The following DNMBP variants were observed in gnomAD, a reference collection of about 807,000 sequenced individuals.
DNMBP encodes the protein dynamin-binding protein.
Under a neutral mutation model 150.0 loss-of-function variants are expected in DNMBP, and 87 were observed. That is an observed-to-expected ratio of 0.58 (90% CI 0.49 to 0.69). DNMBP has a LOEUF of 0.69. DNMBP is among the 30% of genes least tolerant of loss of function. DNMBP has a pLI of 0.00. For missense variants in DNMBP, 1,774 were observed against 1,949.0 expected (o/e 0.91, Z 1.69); for synonymous variants, 711 against 750.4 (o/e 0.95, Z 0.86).
intron 4 of DNMBP, among the ~76,000 whole-genome samples, chr10:99,917,968 CA>C (rs749252887): frequency 0.11 from 5,930 of 52,200 alleles, 129 homozygotes; most frequent in South Asian, 0.21. Context: ...GACTCTGTCT[CA>C]AAAAAAAAAA....
intron 4 of DNMBP, among the ~76,000 whole-genome samples, chr10:99,931,986 G>T (rs907506511): frequency 1.3e-5 from 2 of 152,202 alleles, no homozygotes; most frequent in Non-Finnish European, 2.9e-5. Flanking sequence ...GATATAATAC[G>T]TGGAAAATAA....
At chr10:100,007,848 A>G (rs1321243667) in intron 1 of DNMBP, among the ~76,000 whole-genome samples, 1 of 152,262 alleles carries the variant, frequency 6.6e-6, no homozygotes, top group Non-Finnish European at 1.5e-5. Flanking sequence ...AAGTTAACCA[A>G]TCTTGAAAAT....
intron 4 of DNMBP, among the ~76,000 whole-genome samples, chr10:99,952,187 A>G (rs1168040511): frequency 6.6e-6 from 1 of 152,190 alleles, no homozygotes; most frequent in Admixed American, 6.5e-5. Flanking sequence ...GGCCTCCCCA[A>G]CCATGTGGAA....
chr10:99,898,758 C>G lies in DNMBP; in HGVS notation c.2705G>C (p.Ser902Thr). The G allele has an allele frequency of 6.2e-7, 1 of 1,613,630 alleles. No individual in the cohort carries two copies. The highest frequency in any genetic ancestry group is 2.2e-5 in the East Asian group (1 of 44,868). Residue 902 changes from serine (S) to threonine (T), a missense_variant and splice_region_variant, in exon 8 of 17, where the codon AGC (serine) becomes ACC (threonine). Physicochemically the swap from Ser to Thr is moderately conservative, Grantham distance 58. Coordinates refer to ENST00000324109, the MANE Select transcript of DNMBP (RefSeq NM_015221.4). ...TGGAACTTACCATTCGTTGTATAGG[C>G]TCCTGCAAGGCAGTGGGCATGAAAA... The part of the protein sequence containing the change: ...HLQDSLADLK[S>T]LYNEWGCTNY...
At chr10:99,935,663 C>T (rs1435009061) in intron 4 of DNMBP, among the ~76,000 whole-genome samples, 1 of 152,116 alleles carries the variant, frequency 6.6e-6, no homozygotes, top group Non-Finnish European at 1.5e-5. Context: ...CTCCCAGGTT[C>T]AAGCCATTTT....
intron 4 of DNMBP, chr10:99,930,966 CTCTA>C (rs1244334384): frequency 1.3e-5 from 6 of 475,644 alleles, no homozygotes; most frequent in Non-Finnish European, 1.8e-5. Context: ...CAGCGAGCTA[CTCTA>C]TCTTTCTCCA....
chr10:99,992,139 CTAAAGTGGGAGGA>C (rs1464241533), intron 1 of DNMBP, among the ~76,000 whole-genome samples: 1 of 151,614 alleles, frequency 6.6e-6, no homozygotes, highest in Non-Finnish European at 1.5e-5. Context: ...ACTTGGGAGG[CTAAAGTGGGAGGA>C]CTGCTTGAGT....
intron 4 of DNMBP, among the ~76,000 whole-genome samples, chr10:99,942,430 C>T (rs1261733965): frequency 2.6e-5 from 4 of 152,164 alleles, no homozygotes; most frequent in Admixed American, 2.6e-4. Flanking sequence ...GGTCTTATTA[C>T]ATCTGGTAAA....
intron 4 of DNMBP, among the ~76,000 whole-genome samples, chr10:99,947,520 T>C (rs1219398290): frequency 3.6e-5 from 5 of 138,276 alleles, no homozygotes; most frequent in Non-Finnish European, 7.6e-5. Flanking sequence ...TGGGTACACA[T>C]GGACATAAAG....
intron 15 of DNMBP, among the ~76,000 whole-genome samples, chr10:99,883,638 C>CAAAAAAAAAAAAAAAAAAAAAAA (rs71009782): frequency 1.7e-4 from 11 of 65,618 alleles, no homozygotes; most frequent in African/African-American, 5.0e-4. Context: ...AAGACTGCCA[C>CAAAAAAAAAAAAAAAAAAAAAAA]AAAAAAAAAA....
chr10:100,006,570 G>A (rs1457290911), intron 1 of DNMBP, among the ~76,000 whole-genome samples: 1 of 152,108 alleles, frequency 6.6e-6, no homozygotes, highest in Non-Finnish European at 1.5e-5. Context: ...CAACTTCACT[G>A]TTCAAAGCTC....
intron 4 of DNMBP, among the ~76,000 whole-genome samples, chr10:99,934,138 A>T (rs948393657): frequency 3.3e-5 from 5 of 152,328 alleles, no homozygotes; most frequent in African/African-American, 1.2e-4. Context: ...GGGAACACTG[A>T]AACCAAATAA....
intron 16 of DNMBP, among the ~76,000 whole-genome samples, 199 bp from the exon 17 acceptor site, chr10:99,877,535 G>A (rs939348046): frequency 1.1e-4 from 17 of 151,998 alleles, no homozygotes; most frequent in Non-Finnish European, 2.2e-4. Context: ...AGGTACATAC[G>A]GATGATGGCT....
chr10:99,947,151 C>T (rs2040366183), intron 4 of DNMBP, among the ~76,000 whole-genome samples: 1 of 152,184 alleles, frequency 6.6e-6, no homozygotes, highest in Admixed American at 6.5e-5. Context: ...CTGTGGAAAG[C>T]AGTTTGGAGA....
rs114102170 is a variant in DNMBP at position 99,949,686 on chromosome 10, G to A, written c.2260+5528C>T. Among the ~76,000 whole-genome samples, 1,012 of 152,134 alleles carry A rather than the reference G, an allele frequency of 6.7e-3. 11 individuals are homozygous for A. Among genetic ancestry groups the A allele is most frequent in the African/African-American group, 0.023 (966 of 41,480 alleles). The stretch of plus-strand genomic sequence containing the variant: ...GATTCAAATTTTACAAAGTCTTCCC[G>A]AAATAGACTACACCCACATTAAGTC... On this transcript the variant is annotated intron_variant, in intron 4 of 16. Coordinates refer to ENST00000324109, the MANE Select transcript of DNMBP (RefSeq NM_015221.4).
At chr10:99,887,217 C>T (rs1347468949) in intron 12 of DNMBP, among the ~76,000 whole-genome samples, 1 of 151,958 alleles carries the variant, frequency 6.6e-6, no homozygotes, top group African/African-American at 2.4e-5. Flanking sequence ...CCACCGCACA[C>T]AGCCCCCATT....
At chr10:100,000,485 C>T (rs1384629444) in intron 1 of DNMBP, among the ~76,000 whole-genome samples, 5 of 152,084 alleles carry the variant, frequency 3.3e-5, no homozygotes, top group South Asian at 2.1e-4. Context: ...ATGCAGCCTC[C>T]GCAGGAGGGG....
At chr10:99,925,085 A>G (rs938242622) in intron 4 of DNMBP, among the ~76,000 whole-genome samples, 7 of 152,146 alleles carry the variant, frequency 4.6e-5, no homozygotes, top group African/African-American at 9.7e-5. Context: ...TGTCTATAAT[A>G]TAGTTGCAAC....
Position 99,879,978 on chromosome 10 carries a change from C to T in DNMBP, c.4381G>A (p.Ala1461Thr), listed in dbSNP as rs1309842184. 11 of 1,614,202 alleles carry T rather than the reference C, an allele frequency of 6.8e-6. No homozygotes were observed. In the South Asian group the frequency reaches 1.1e-4, roughly 16 times the overall value. ...AAGTTCCGGTAGCTCCTCGGCGTGG[C>T]AGTGGGTTGCTTTACATCTCTAGCT... ...DVARDVKQPTATPRSYRNFRH... is the reference protein window; with the variant it reads ...DVARDVKQPTTTPRSYRNFRH... Residue 1461 changes from alanine to threonine, a missense_variant, in exon 16 of 17, where the codon GCC (alanine) becomes ACC (threonine). Physicochemically the swap from Ala to Thr is moderately conservative, Grantham distance 58. Coordinates refer to ENST00000324109, the MANE Select transcript of DNMBP (RefSeq NM_015221.4).
Sources: allele counts gnomAD v4.1 joint callset (sites outside exome capture counted in the v4.1 genomes callset), GRCh38; gene constraint gnomAD v4.1.1; transcripts MANE v1.5; gene names NCBI Gene and HGNC (gene_info 2026-07-23, HGNC 2026-07-21).